LRRK1: variants seen among roughly 807,000 people sequenced by gnomAD.
LRRK1 encodes leucine rich repeat kinase 1.
Under a neutral mutation model 209.1 loss-of-function variants are expected in LRRK1, and 113 were observed. That is an observed-to-expected ratio of 0.54 (90% confidence interval 0.46 to 0.63). The LOEUF is 0.63. LRRK1 is among the 30% of genes least tolerant of loss of function. The pLI, the probability that LRRK1 is intolerant of heterozygous loss-of-function variation, is 0.00. For missense variants in LRRK1, 2,284 were observed against 2,632.2 expected, an observed-to-expected ratio of 0.87 and a Z score of 2.89; for synonymous variants, 1,144 against 1,099.7, an observed-to-expected ratio of 1.04 and a Z score of -0.80.
At chr15:101,067,451 G>A (rs2036598354) in intron 33 of LRRK1, 2 of 304,268 alleles carry the variant, frequency 6.6e-6, no homozygotes, top group Non-Finnish European at 1.4e-5. Flanking sequence ...GTGTGTGTGT[G>A]TGTGTGTGTG....
chr15:100,976,311 C>T lies in LRRK1; in HGVS notation c.261+2344C>T, dbSNP rs147776052. 2.0e-5 allele frequency among the ~76,000 whole-genome samples: 3 copies of T among 152,244 alleles called. No homozygotes were observed. In the East Asian group the frequency reaches 5.8e-4, roughly 29 times the overall value. On this transcript the variant is annotated intron_variant, in intron 3 of 33. Transcript: ENST00000388948. ...TCCTTTAATGAAGCTAACACAACCT[C>T]AATACCAAGAGTAGGTGAGAACAGT... is the stretch of plus-strand genomic sequence containing the variant.
chr15:100,962,810 T>TATATATATATACATATATATATATATAC lies in LRRK1; in HGVS notation c.98-10983_98-10982insCATATATATATATATACATATATATATA, dbSNP rs2030112098. Among the ~76,000 whole-genome samples, 13 of 30,214 alleles carry TATATATATATACATATATATATATATAC rather than the reference T, an allele frequency of 4.3e-4. 3 individuals carry two copies. The highest frequency in any genetic ancestry group is 1.3e-3 in the African/African-American group (12 of 9,510). 19.8% of individuals were successfully genotyped at this position (30,214 alleles called of 152,430 possible). On this transcript the variant is annotated intron_variant, in intron 2 of 33. Transcript: ENST00000388948. ...TTCATTTTGCATATATATATATATA[T>TATATATATATACATATATATATATATAC]ATATATATATATATTTTTTTTTTTT...
intron 2 of LRRK1, 116 bp from the exon 3 acceptor site, chr15:100,973,688 A>G (rs2141653136): frequency 9.5e-7 from 1 of 1,057,514 alleles, no homozygotes; most frequent in Non-Finnish European, 1.2e-6. Context: ...TCTCTTCCTG[A>G]AGCCCCCGCG....
chr15:100,956,163 C>G (rs2042752359), intron 2 of LRRK1, among the ~76,000 whole-genome samples: 1 of 152,026 alleles, frequency 6.6e-6, no homozygotes, highest in African/African-American at 2.4e-5. Flanking sequence ...TCCTCAGTCT[C>G]TTTACTCATT....
chr15:100,972,934 A>ACACCCACC (rs1555462738), intron 2 of LRRK1, among the ~76,000 whole-genome samples: 6 of 151,528 alleles, frequency 4.0e-5, no homozygotes, highest in Non-Finnish European at 7.4e-5. Flanking sequence ...ACACACACAC[A>ACACCCACC]CACCCAGTTT....
In LRRK1 at chr15:100,972,335, TGAG is replaced by T. The variant is rs1284362575; in HGVS notation, c.98-1468_98-1466del. Among the ~76,000 whole-genome samples the T allele has an allele frequency of 2.8e-3, 301 of 106,184 alleles. 1 individual carries two copies. Among genetic ancestry groups the T allele is most frequent in the African/African-American group, 9.1e-3 (291 of 31,878 alleles). The allele number at this position is 106,184 out of a possible 152,430, so 69.7% of individuals were successfully genotyped here. On this transcript the variant is annotated intron_variant, in intron 2 of 33. Transcript: ENST00000388948. ...AATTTGGGATATATATATATATATATGAGAGAGAGAGAGAGAGAGAGAGAGAGA... is the reference window on the plus strand; with the variant it reads ...AATTTGGGATATATATATATATATATAGAGAGAGAGAGAGAGAGAGAGAGA...
intron 2 of LRRK1, among the ~76,000 whole-genome samples, chr15:100,968,541 A>G (rs2030621688): frequency 6.6e-6 from 1 of 152,194 alleles, no homozygotes; most frequent in African/African-American, 2.4e-5. Flanking sequence ...GCATAGTGGT[A>G]TCTCATTGTG....
chr15:101,062,112 G>A (rs559647775), intron 30 of LRRK1, among the ~76,000 whole-genome samples: 1 of 152,342 alleles, frequency 6.6e-6, no homozygotes, highest in South Asian at 2.1e-4. Context: ...GAATGGGCGA[G>A]AGCAAGGGCT....
intron 2 of LRRK1, among the ~76,000 whole-genome samples, chr15:100,964,233 G>A (rs1337240315): frequency 6.6e-6 from 1 of 152,104 alleles, no homozygotes; most frequent in Non-Finnish European, 1.5e-5. Flanking sequence ...AGATCACCCC[G>A]GGGCTGGGTG....
chr15:101,045,131 G>A (rs4965359), intron 20 of LRRK1, among the ~76,000 whole-genome samples: 53,831 of 152,124 alleles, frequency 0.35, 11,042 homozygotes, highest in East Asian at 0.64. Context: ...CTGTATGCTC[G>A]GGCCATGGGC....
chr15:101,025,088 C>G, intron 16 of LRRK1, 121 bp downstream of exon 16: 1 of 984,468 alleles, frequency 1.0e-6, no homozygotes, highest in Non-Finnish European at 1.4e-6. Flanking sequence ...CAGAGGGCCC[C>G]AGAACCGTGG....
At chr15:100,962,824 T>TACA (rs1555461505) in intron 2 of LRRK1, among the ~76,000 whole-genome samples, 1 of 8,436 alleles carries the variant, frequency 1.2e-4, no homozygotes, top group Non-Finnish European at 2.8e-4. Context: ...TATATATATA[T>TACA]TTTTTTTTTT....
intron 26 of LRRK1, 62 bp from the exon 27 acceptor site, chr15:101,054,881 CATG>C: frequency 3.8e-6 from 5 of 1,329,330 alleles, no homozygotes; most frequent in Non-Finnish European, 4.2e-6. Flanking sequence ...CAGTTGTTAT[CATG>C]ATAATTTGAT....
chr15:100,937,115 T>C (rs902818591), intron 2 of LRRK1, among the ~76,000 whole-genome samples: 3 of 152,254 alleles, frequency 2.0e-5, no homozygotes, highest in African/African-American at 7.2e-5. Flanking sequence ...TCTTGAGTTA[T>C]TTTATGCAAT....
At chr15:101,061,132 G>C (rs778691634) in intron 29 of LRRK1, 39 bp from the exon 30 acceptor site, 1 of 1,505,088 alleles carries the variant, frequency 6.6e-7, no homozygotes. Flanking sequence ...GCAGCCCCTG[G>C]CCCCCGGGCA....
At chr15:100,933,298 C>T (rs765184806) in intron 2 of LRRK1, among the ~76,000 whole-genome samples, 20 of 152,180 alleles carry the variant, frequency 1.3e-4, no homozygotes, top group Admixed American at 3.9e-4. Flanking sequence ...AATTTTCCAA[C>T]GAAAGACCTG....
At chr15:101,001,222 C>T (rs924432243) in intron 6 of LRRK1, among the ~76,000 whole-genome samples, 2 of 152,102 alleles carry the variant, frequency 1.3e-5, no homozygotes, top group Non-Finnish European at 2.9e-5. Context: ...CTCAGGGCCC[C>T]GTCTGATGGT....
At chr15:100,970,046 G>C (rs1391086867) in intron 2 of LRRK1, among the ~76,000 whole-genome samples, 1 of 151,984 alleles carries the variant, frequency 6.6e-6, no homozygotes, top group Non-Finnish European at 1.5e-5. Context: ...CCACCACCAC[G>C]CTGGGCTAAT....
At chr15:101,068,470 G>T (rs2036656161) in intron 33 of LRRK1, among the ~76,000 whole-genome samples, 2 of 152,120 alleles carry the variant, frequency 1.3e-5, no homozygotes, top group South Asian at 4.1e-4. Flanking sequence ...GCCCGTCTTT[G>T]GACTTTATAA....
Sources: gnomAD v4.1 joint callset for allele counts (sites outside exome capture counted in the v4.1 genomes callset) on GRCh38, gnomAD v4.1.1 for gene constraint, MANE v1.5 for transcripts, NCBI Gene and HGNC (gene_info 2026-07-23, HGNC 2026-07-21) for gene names.